PPP1R1C: variants seen among roughly 807,000 people sequenced by gnomAD.
PPP1R1C encodes protein phosphatase 1 regulatory inhibitor subunit 1C.
Under a neutral mutation model 17.4 loss-of-function variants are expected in PPP1R1C, and 15 were observed. The observed-to-expected ratio is 0.86, with a 90% CI of 0.58 to 1.33. The LOEUF (loss-of-function observed/expected upper bound fraction) is 1.33, where lower values mean the gene tolerates loss of function less well. PPP1R1C is among the 40% of genes most tolerant of loss of function. The pLI is 0.00. For missense variants in PPP1R1C, 143 were observed against 130.0 expected (o/e 1.10, Z -0.48); for synonymous variants, 35 against 43.1 (o/e 0.81, Z 0.73).
At chr2:182,123,006 GC>G (rs1689771639) in intron 5 of PPP1R1C, among the ~76,000 whole-genome samples, 1 of 151,996 alleles carries the variant, frequency 6.6e-6, no homozygotes. Flanking sequence ...CCCTCCTCTA[GC>G]CCCCCGCCTT....
chr2:181,980,770 A>AG (rs1477215863), intron 2 of PPP1R1C, among the ~76,000 whole-genome samples: 1 of 152,230 alleles, frequency 6.6e-6, no homozygotes, highest in Non-Finnish European at 1.5e-5. Context: ...GCATGGTTAG[A>AG]GAAAAAAAAT....
chr2:182,061,445 T>C lies in PPP1R1C; in HGVS notation c.146T>C (p.Ile49Thr). 4 of 1,471,892 alleles carry C rather than the reference T, an allele frequency of 2.7e-6. No individual in the cohort carries two copies. The highest frequency in any genetic ancestry group is 3.6e-6 in the Non-Finnish European group (4 of 1,107,808). The allele number at this position is 1,471,892 out of a possible 1,614,324, so 91.2% of individuals were successfully genotyped here. A position where few individuals can be genotyped will look rare whatever the true frequency, so the allele number is the denominator to read the frequency against. Residue 49 changes from isoleucine to threonine, a missense_variant, in exon 3 of 5, where the codon ATA becomes ACA. Transcript: ENST00000682840. The stretch of plus-strand genomic sequence containing the variant: ...ATTCTACCTACTTCTCTTACAGAAA[T>C]AGATGACAAGAGGGGGCCCAACACA... ...VILNEHNPPE[I>T]DDKRGPNTQG... is the part of the protein sequence containing the mutation.
intron 1 of PPP1R1C, among the ~76,000 whole-genome samples, chr2:181,973,650 G>A (rs1260186216): frequency 1.3e-5 from 2 of 152,142 alleles, no homozygotes; most frequent in Non-Finnish European, 2.9e-5. Flanking sequence ...GAAGATTAAA[G>A]GCAGAAGAAA....
At chr2:182,096,470 G>C (rs1425221000) in intron 4 of PPP1R1C, among the ~76,000 whole-genome samples, 2 of 152,140 alleles carry the variant, frequency 1.3e-5, no homozygotes, top group African/African-American at 4.8e-5. Context: ...AATGCCCTTA[G>C]AAATAGATCA....
rs1283135877 is a variant in PPP1R1C at position 181,957,287 on chromosome 2, G to T, written n.111+2653G>T. ...AGGCAGAATTGCTTGAACCCGGGAG[G>T]TGGAGGTTGTGGTAAGCCGAGGTAG... On this transcript the variant is annotated intron_variant and non_coding_transcript_variant, in intron 1 of 5. Coordinates refer to the PPP1R1C transcript ENST00000464264. The surrounding 1 kb of genome is among the most constrained non-coding windows in gnomAD (Gnocchi z 4.2). 6.6e-6 allele frequency among the ~76,000 whole-genome samples: 1 copy of T among 152,146 alleles called. No homozygotes were observed. The highest frequency in any genetic ancestry group is 1.5e-5 in the Non-Finnish European group (1 of 68,026).
At chr2:182,085,374 A>G (rs1277597100) in intron 4 of PPP1R1C, among the ~76,000 whole-genome samples, 1 of 152,074 alleles carries the variant, frequency 6.6e-6, no homozygotes, top group East Asian at 1.9e-4. Context: ...AAACACACAC[A>G]CTAGTCTCTA....
At chr2:182,017,065 G>A (rs1187411253) in intron 2 of PPP1R1C, among the ~76,000 whole-genome samples, 3 of 152,246 alleles carry the variant, frequency 2.0e-5, no homozygotes, top group South Asian at 4.2e-4. Context: ...CATCTTTGAA[G>A]TCTTTGCCAA....
At chr2:181,993,887 C>A (rs1685537071) in intron 2 of PPP1R1C, among the ~76,000 whole-genome samples, 1 of 151,734 alleles carries the variant, frequency 6.6e-6, no homozygotes, top group African/African-American at 2.4e-5. Flanking sequence ...CTTGTCCAAT[C>A]TTCAAAATAA....
At chr2:182,055,229 T>C (rs1006089320) in intron 2 of PPP1R1C, among the ~76,000 whole-genome samples, 2 of 152,200 alleles carry the variant, frequency 1.3e-5, no homozygotes, top group Admixed American at 1.3e-4. Flanking sequence ...GTGCCAACTT[T>C]TATCAGAGTA....
intron 4 of PPP1R1C, among the ~76,000 whole-genome samples, chr2:182,105,825 A>T (rs187258036): frequency 2.9e-4 from 44 of 152,294 alleles, no homozygotes; most frequent in Non-Finnish European, 5.3e-4. Flanking sequence ...CCCATACACA[A>T]TTCAACGCTA....
chr2:181,966,844 T>C (rs1238427626), intron 1 of PPP1R1C, among the ~76,000 whole-genome samples: 1 of 152,236 alleles, frequency 6.6e-6, no homozygotes, highest in Non-Finnish European at 1.5e-5. Context: ...AAGTATTTCT[T>C]TCTCTTCTAT....
chr2:181,982,820 C>T (rs890140488), upstream of PPP1R1C, among the ~76,000 whole-genome samples: 1 of 152,036 alleles, frequency 6.6e-6, no homozygotes, highest in Non-Finnish European at 1.5e-5. Flanking sequence ...GGCCTAATGG[C>T]CTATTTTCCT....
chr2:182,093,165 T>G (rs988338806), intron 4 of PPP1R1C, among the ~76,000 whole-genome samples: 1 of 152,126 alleles, frequency 6.6e-6, no homozygotes, highest in Non-Finnish European at 1.5e-5. Flanking sequence ...ATTCTTGACT[T>G]CTGTACACTA....
chr2:182,096,458 C>T (rs1688940775), intron 4 of PPP1R1C, among the ~76,000 whole-genome samples: 1 of 152,148 alleles, frequency 6.6e-6, no homozygotes, highest in East Asian at 1.9e-4. Flanking sequence ...ACACGGCTTT[C>T]CAATGCCCTT....
rs1684695161 is a variant in PPP1R1C, at chr2:181,957,712, G to GCC, written n.111+3081_111+3082dup. On this transcript the variant is annotated intron_variant and non_coding_transcript_variant, in intron 1 of 5. Coordinates refer to the PPP1R1C transcript ENST00000464264. The surrounding 1 kb of genome is among the most constrained non-coding windows in gnomAD (Gnocchi z 4.2). ...CATACCTTAGGAATCTGTCTCCCAT[G>GCC]CCCCACTCAGCTCCCCTTTCCTTGC... Among the ~76,000 whole-genome samples the GCC allele has an allele frequency of 2.0e-5, 3 of 152,196 alleles. No individual in the cohort carries two copies. In the South Asian group the frequency reaches 6.2e-4, roughly 32 times the overall value.
intron 2 of PPP1R1C, among the ~76,000 whole-genome samples, chr2:182,054,819 C>A (rs1006736959): frequency 6.6e-6 from 1 of 152,066 alleles, no homozygotes; most frequent in African/African-American, 2.4e-5. Flanking sequence ...TGCCACCACA[C>A]CTGGCTAATT....
intron 2 of PPP1R1C, among the ~76,000 whole-genome samples, chr2:182,024,832 G>A (rs757282186): frequency 2.0e-5 from 3 of 151,220 alleles, no homozygotes; most frequent in Non-Finnish European, 4.4e-5. Context: ...TCCAGCCTGG[G>A]CAACAAAGCA....
chr2:182,003,921 C>A (rs1685843173), intron 2 of PPP1R1C, among the ~76,000 whole-genome samples: 1 of 151,956 alleles, frequency 6.6e-6, no homozygotes, highest in African/African-American at 2.4e-5. Context: ...GATCTCAGCT[C>A]TATGCTGGAT....
chr2:182,057,153 T>C (rs995094201), intron 2 of PPP1R1C, among the ~76,000 whole-genome samples: 1 of 152,174 alleles, frequency 6.6e-6, no homozygotes. Flanking sequence ...AGGTTGTTAT[T>C]GTGTGTCAGC....
Sources: allele counts gnomAD v4.1 joint callset (sites outside exome capture counted in the v4.1 genomes callset), GRCh38; gene constraint gnomAD v4.1.1; non-coding constraint Gnocchi (gnomAD v3.1); transcripts MANE v1.5; gene names NCBI Gene and HGNC (gene_info 2026-07-23, HGNC 2026-07-21).